SPEF2: variants seen among roughly 807,000 people sequenced by gnomAD.
SPEF2 encodes the protein sperm flagella and cilia-associated protein 2.
SPEF2 carries 187 observed loss-of-function variants against 224.6 expected under a neutral mutation model. The observed-to-expected ratio is 0.83, with a 90% confidence interval of 0.74 to 0.94. The LOEUF (loss-of-function observed/expected upper bound fraction) is 0.94, where lower values mean the gene tolerates loss of function less well. Among genes scored for constraint, SPEF2 ranks in the 40% least tolerant of loss-of-function variants. SPEF2 has a pLI of 0.00. For missense variants in SPEF2, 2,170 were observed against 2,135.6 expected (o/e 1.02, Z -0.32); for synonymous variants, 715 against 707.3 (o/e 1.01, Z -0.17).
chr5:35,726,692 G>A (rs1744701830), intron 20 of SPEF2, among the ~76,000 whole-genome samples: 1 of 152,174 alleles, frequency 6.6e-6, no homozygotes, highest in Non-Finnish European at 1.5e-5. Context: ...TTTGGAGGAA[G>A]AAAGTGCTCC....
chr5:35,731,526 T>C (rs574673414), intron 21 of SPEF2, among the ~76,000 whole-genome samples: 25 of 140,594 alleles, frequency 1.8e-4, no homozygotes, highest in Admixed American at 8.5e-4. Context: ...TTTTTAGTAT[T>C]GATAGTTAGA....
intron 21 of SPEF2, among the ~76,000 whole-genome samples, chr5:35,736,676 C>A (rs1211600511): frequency 6.6e-6 from 1 of 152,160 alleles, no homozygotes; most frequent in African/African-American, 2.4e-5. Context: ...GGTGGAGACA[C>A]AGAGCCAAAC....
At chr5:35,645,726 A>G (rs370084879) in intron 4 of SPEF2, among the ~76,000 whole-genome samples, 1 of 152,200 alleles carries the variant, frequency 6.6e-6, no homozygotes, top group Admixed American at 6.5e-5. Context: ...AGGAAATATG[A>G]TACCATTAAA....
At chr5:35,774,971 G>A (rs149762572) in intron 28 of SPEF2, among the ~76,000 whole-genome samples, 46 of 152,208 alleles carry the variant, frequency 3.0e-4, no homozygotes, top group Middle Eastern at 3.4e-3. Context: ...TCATCTTTCA[G>A]TTCATTCCAT....
Position 35,644,505 on chromosome 5 carries a change from A to G in SPEF2, c.565A>G (p.Arg189Gly), listed in dbSNP as rs1452713419. The G allele has an allele frequency of 6.2e-7, 1 of 1,602,092 alleles. No individual in the cohort carries two copies. The highest frequency in any genetic ancestry group is 8.5e-7 in the Non-Finnish European group (1 of 1,176,632). ...ATTTCAAAAACTCAAGGAAGAGCAA[A>G]GATGTTTTGATATTGAAAAGGTTCT... The part of the protein sequence containing the change: ...ERFQKLKEEQ[R>G]CFDIEKQYLN... Residue 189 changes from arginine (R) to glycine (G), a missense_variant, in exon 4 of 37, where the codon AGA becomes GGA. Transcript: ENST00000356031.
intron 30 of SPEF2, chr5:35,788,558 A>T (rs1177502473): frequency 1.4e-6 from 1 of 702,670 alleles, no homozygotes; most frequent in African/African-American, 1.7e-5. Context: ...TGGGGTACAG[A>T]TAGTAGAAAG....
chr5:35,701,988 T>G (rs1318389183), intron 16 of SPEF2, among the ~76,000 whole-genome samples: 1 of 151,952 alleles, frequency 6.6e-6, no homozygotes, highest in East Asian at 1.9e-4. Flanking sequence ...CCAAAAAAAT[T>G]GCATTGCTCT....
intron 2 of SPEF2, among the ~76,000 whole-genome samples, chr5:35,636,305 C>T (rs1246612249): frequency 2.0e-5 from 3 of 152,112 alleles, no homozygotes; most frequent in Non-Finnish European, 4.4e-5. Flanking sequence ...GGGATGTTTT[C>T]AATGCTCTGG....
intron 16 of SPEF2, 65 bp downstream of exon 16, chr5:35,700,817 A>G: frequency 2.7e-6 from 4 of 1,505,228 alleles, no homozygotes; most frequent in Non-Finnish European, 3.6e-6. Flanking sequence ...TGAATCAGTG[A>G]ATACTCCCAT....
chr5:35,717,524 G>A (rs1742799167), intron 20 of SPEF2, among the ~76,000 whole-genome samples: 1 of 152,206 alleles, frequency 6.6e-6, no homozygotes, highest in Non-Finnish European at 1.5e-5. Context: ...GCTAAAGACG[G>A]GGTTCTTGTC....
Position 35,654,579 on chromosome 5 carries a change from C to T in SPEF2, c.831C>T (p.Thr277=), listed in dbSNP as rs745616228. 5.6e-6 allele frequency: 9 copies of T among 1,607,742 alleles called. No homozygotes were observed. ...CTTTAGATACAGCAGGCCAGACAAC[C>T]ACCGATTTGTTAAATACTTACTCAG... The part of the protein sequence containing the change: ...KTSLDTAGQT[T]TDLLNTYSDD... Residue 277 remains threonine, a synonymous_variant, in exon 7 of 37, where the codon ACC becomes ACT. Coordinates refer to ENST00000356031, the MANE Select transcript of SPEF2 (RefSeq NM_024867.4).
chr5:35,684,185 A>T (rs549732056), intron 10 of SPEF2: 1 of 152,328 alleles, frequency 6.6e-6, no homozygotes, highest in Admixed American at 6.5e-5. Context: ...AGCTCATTGT[A>T]GTTAAACTAA....
At chr5:35,639,322 C>T (rs1746274530) in intron 2 of SPEF2, among the ~76,000 whole-genome samples, 2 of 152,206 alleles carry the variant, frequency 1.3e-5, no homozygotes, top group African/African-American at 2.4e-5. Flanking sequence ...CTTGGAACAG[C>T]CCATTTTTTC....
At chr5:35,753,901 C>A in intron 24 of SPEF2, 140 bp downstream of exon 24, 1 of 1,022,518 alleles carries the variant, frequency 9.8e-7, no homozygotes, top group Non-Finnish European at 1.4e-6. Flanking sequence ...GTATGAGCTC[C>A]AACTCACCAA....
At chr5:35,677,641 G>T (rs1350613290) in intron 10 of SPEF2, among the ~76,000 whole-genome samples, 1 of 152,186 alleles carries the variant, frequency 6.6e-6, no homozygotes, top group Non-Finnish European at 1.5e-5. Context: ...CAAGGAGTAG[G>T]AACCTATCAT....
At chr5:35,767,105 A>C (rs1752191964) in intron 26 of SPEF2, among the ~76,000 whole-genome samples, 1 of 151,686 alleles carries the variant, frequency 6.6e-6, no homozygotes, top group Non-Finnish European at 1.5e-5. Flanking sequence ...TCATTGTTTA[A>C]ATCTTATGTT....
At position 35,673,609 on chromosome 5, in the gene SPEF2, T is replaced by C. The variant is rs1471927802; in HGVS notation, c.1524+3382T>C. On this transcript the variant is annotated intron_variant, in intron 10 of 36. Coordinates refer to ENST00000356031, the MANE Select transcript of SPEF2 (RefSeq NM_024867.4). ...TTTCTATAATTTGGGGGAAGGATAT[T>C]TCATTTCCAGCACATCATCCATGTT... is the stretch of plus-strand genomic sequence containing the variant. Among the ~76,000 whole-genome samples, 4 of 152,312 alleles carry C rather than the reference T, an allele frequency of 2.6e-5. No homozygotes were observed. The East Asian group carries it at 7.7e-4, about 29-fold the overall frequency.
chr5:35,758,888 C>G (rs1302564281), intron 24 of SPEF2, among the ~76,000 whole-genome samples: 1 of 151,040 alleles, frequency 6.6e-6, no homozygotes, highest in Non-Finnish European at 1.5e-5. Context: ...GCCCTGTAAA[C>G]CCGGCTACTC....
intron 10 of SPEF2, among the ~76,000 whole-genome samples, chr5:35,685,587 A>G (rs1050396355): frequency 2.0e-5 from 3 of 152,082 alleles, no homozygotes; most frequent in African/African-American, 2.4e-5. Context: ...ATCTGTTACT[A>G]AGGGCCACTT....
Sources: allele counts gnomAD v4.1 joint callset (sites outside exome capture counted in the v4.1 genomes callset), GRCh38; gene constraint gnomAD v4.1.1; transcripts MANE v1.5; gene names NCBI Gene and HGNC (gene_info 2026-07-23, HGNC 2026-07-21).